The following IBTK variants were observed in gnomAD, a reference collection of about 807,000 sequenced individuals.
IBTK encodes the protein inhibitor of Bruton tyrosine kinase.
A neutral mutation model predicts 154.9 loss-of-function variants in IBTK; 83 were observed. The observed-to-expected ratio is 0.54, with a 90% CI of 0.45 to 0.64. IBTK has a LOEUF of 0.64. Among genes scored for constraint, IBTK ranks in the 30% least tolerant of loss-of-function variants. The pLI is 0.00. For missense variants in IBTK, 1,332 were observed against 1,584.6 expected, an observed-to-expected ratio of 0.84 and a Z score of 2.71; for synonymous variants, 515 against 536.1, an observed-to-expected ratio of 0.96 and a Z score of 0.54.
At chr6:82,178,048 C>G (rs1220491739) in intron 26 of IBTK, among the ~76,000 whole-genome samples, 1 of 152,116 alleles carries the variant, frequency 6.6e-6, no homozygotes, top group East Asian at 1.9e-4. Context: ...TTTAATATTT[C>G]CTTTTTAAAA....
chr6:82,199,058 A>G lies in IBTK; in HGVS notation c.3025+1083T>C, dbSNP rs575346517. Among the ~76,000 whole-genome samples the G allele has an allele frequency of 2.6e-5, 4 of 152,316 alleles. No individual in the cohort carries two copies. The South Asian group carries it at 8.3e-4, about 32-fold the overall frequency. ...TGTCAACAATTAGGAAAATGTGGAT[A>G]TGAAGTATAATACTAATTAACACTA... On this transcript the variant is annotated intron_variant, in intron 21 of 28. Transcript: ENST00000306270.
At chr6:82,207,031 G>A (rs197238) in intron 16 of IBTK, among the ~76,000 whole-genome samples, 1 of 151,898 alleles carries the variant, frequency 6.6e-6, no homozygotes, top group African/African-American at 2.4e-5. Context: ...AACAAGACAA[G>A]GACAACCACT....
At position 82,223,484 on chromosome 6, in the gene IBTK, A is replaced by G; in HGVS notation, c.1080T>C (p.Asp360=). 1 of 1,614,078 alleles carries G rather than the reference A, an allele frequency of 6.2e-7. No homozygotes were observed. Among genetic ancestry groups the G allele is most frequent in the Non-Finnish European group, 8.5e-7 (1 of 1,179,956 alleles). Residue 360 remains aspartate, a synonymous_variant, in exon 8 of 29, where the codon GAT becomes GAC. Coordinates refer to ENST00000306270, the MANE Select transcript of IBTK (RefSeq NM_015525.4). ...GATVCVTTRG[D]IYLLADYQCK... ...ACTGATAGTCTGCAAGTAAGTAAATATCTCCCCTTGTGGTAACACAGACTG... is the reference window on the plus strand; with the variant it reads ...ACTGATAGTCTGCAAGTAAGTAAATGTCTCCCCTTGTGGTAACACAGACTG...
intron 25 of IBTK, among the ~76,000 whole-genome samples, chr6:82,189,224 A>C (rs1384471368): frequency 6.6e-6 from 1 of 152,064 alleles, no homozygotes; most frequent in Non-Finnish European, 1.5e-5. Context: ...ATCAAAAAAG[A>C]CCTACATTAT....
chr6:82,195,251 T>A (rs1009072674), intron 22 of IBTK, among the ~76,000 whole-genome samples: 1 of 152,032 alleles, frequency 6.6e-6, no homozygotes, highest in African/African-American at 2.4e-5. Flanking sequence ...GAATATAAAT[T>A]GCCCCCAAAC....
At chr6:82,211,438 A>G (rs757307679) in intron 14 of IBTK, 34 bp from the exon 15 acceptor site, 12 of 1,603,766 alleles carry the variant, frequency 7.5e-6, no homozygotes, top group Non-Finnish European at 8.5e-7. Flanking sequence ...CAATAAGAAT[A>G]GTGAAACAAT....
Position 82,204,880 on chromosome 6 carries a change from C to G in IBTK, c.2588G>C (p.Cys863Ser). 1 of 1,604,466 alleles carries G rather than the reference C, an allele frequency of 6.2e-7. No homozygotes were observed. Among genetic ancestry groups the G allele is most frequent in the Middle Eastern group, 1.7e-4 (1 of 6,036 alleles). Residue 863 changes from cysteine to serine, a missense_variant, in exon 17 of 29, where the codon TGT becomes TCT. By Grantham distance (112) the Cys-to-Ser change is moderately radical (BLOSUM62 -1). Coordinates refer to ENST00000306270, the MANE Select transcript of IBTK (RefSeq NM_015525.4). ...ACGTTTTTCAGTTAATGCTACTTCA[C>G]AAATCTCTTTCAACCGGGTTATGAG... ...QLLITRLKEI[C>S]EVALTEKLTL... is the part of the protein sequence containing the mutation.
At position 82,216,129 on chromosome 6, in the gene IBTK, G is replaced by A. The variant is rs371786565; in HGVS notation, c.1548C>T (p.Ser516=). The change falls in exon 11 of 29, where the codon AGC becomes AGT. Residue 516 remains serine, a synonymous_variant. Coordinates refer to ENST00000306270, the MANE Select transcript of IBTK (RefSeq NM_015525.4). ...CAAAGTTGCATCCACTTGGATCTGT[G>A]CTGACACTAACAGCTCTATGTGCAA... ...LTFAHRAVSV[S]TDPSGCNFAI... is the part of the protein sequence containing the mutation. 9.9e-6 allele frequency: 16 copies of A among 1,613,518 alleles called. 1 individual carries two copies. Among genetic ancestry groups the A allele is most frequent in the African/African-American group, 4.0e-5 (3 of 74,900 alleles).
At chr6:82,229,010 T>C (rs1428731276) in intron 4 of IBTK, among the ~76,000 whole-genome samples, 1 of 152,160 alleles carries the variant, frequency 6.6e-6, no homozygotes, top group African/African-American at 2.4e-5. Flanking sequence ...ATAATCTCTG[T>C]CTCATGGTAG....
intron 22 of IBTK, among the ~76,000 whole-genome samples, chr6:82,195,909 C>T (rs919828211): frequency 5.3e-5 from 8 of 152,084 alleles, no homozygotes; most frequent in Non-Finnish European, 1.0e-4. Flanking sequence ...AAAGAGACTG[C>T]GAACTTTCAA....
intron 26 of IBTK, 179 bp from the exon 27 acceptor site, chr6:82,173,617 T>G: frequency 2.4e-6 from 1 of 410,016 alleles, no homozygotes; most frequent in Non-Finnish European, 4.3e-6. Flanking sequence ...TATAAAACCT[T>G]CTGTATAAAA....
chr6:82,187,367 A>T (rs1053968030), intron 25 of IBTK, among the ~76,000 whole-genome samples: 1 of 152,174 alleles, frequency 6.6e-6, no homozygotes, highest in African/African-American at 2.4e-5. Flanking sequence ...GTGGCACTCT[A>T]AGCTCATGTT....
chr6:82,203,883 C>T (rs1381699141), intron 17 of IBTK, among the ~76,000 whole-genome samples: 1 of 152,110 alleles, frequency 6.6e-6, no homozygotes, highest in Non-Finnish European at 1.5e-5. Flanking sequence ...AAGGAGTAGA[C>T]AGTCTACAGT....
At chr6:82,216,783 G>GAT (rs1769892121) in intron 10 of IBTK, among the ~76,000 whole-genome samples, 1 of 152,068 alleles carries the variant, frequency 6.6e-6, no homozygotes, top group South Asian at 2.1e-4. Flanking sequence ...ACAGACATGT[G>GAT]CCTGCTCTCC....
In IBTK at chr6:82,171,582, T is replaced by A; in HGVS notation, c.3931-26A>T. On this transcript the variant is annotated intron_variant, in intron 28 of 28. Transcript: ENST00000306270. ...CTGAAAGGAGGAAGGGAAAGAAGACTCTTTACTCTTTTAATTATAAACTAA... is the reference window on the plus strand; with the variant it reads ...CTGAAAGGAGGAAGGGAAAGAAGACACTTTACTCTTTTAATTATAAACTAA... 6 of 1,552,102 alleles carry A rather than the reference T, an allele frequency of 3.9e-6. No homozygotes were observed. The African/African-American group carries it at 8.2e-5, about 21-fold the overall frequency.
intron 12 of IBTK, 23 bp downstream of exon 12, chr6:82,214,204 C>A: frequency 6.3e-7 from 1 of 1,584,568 alleles, no homozygotes; most frequent in South Asian, 1.2e-5. Context: ...GGTACAGGAA[C>A]AGATATAAAA....
rs1407340602 is a variant in IBTK at position 82,204,842 on chromosome 6, C to G, written c.2611+15G>C. On this transcript the variant is annotated intron_variant, in intron 17 of 28. Transcript: ENST00000306270. ...ACCTGAAAACATATTAATATTCAAA[C>G]TCAAAATTACTCACGTTTTTCAGTT... 6.8e-7 allele frequency: 1 copy of G among 1,463,508 alleles called. No homozygotes were observed. Among genetic ancestry groups the G allele is most frequent in the African/African-American group, 1.4e-5 (1 of 70,996 alleles). The allele number at this position is 1,463,508 out of a possible 1,614,324, so 90.7% of individuals were successfully genotyped here.
rs780630837 is a variant in IBTK at position 82,173,456 on chromosome 6, A to C, written c.3726-18T>G. On this transcript the variant is annotated intron_variant, in intron 26 of 28. Transcript: ENST00000306270. ...TAGAGCATCTGCAAAACAAATGCCA[A>C]AATTAAAGATTAAAGCTTCTAGTAA... is the stretch of plus-strand genomic sequence containing the variant. The C allele has an allele frequency of 2.2e-5, 35 of 1,601,758 alleles. No individual in the cohort carries two copies. Among genetic ancestry groups the C allele is most frequent in the Non-Finnish European group, 2.8e-5 (33 of 1,169,298 alleles).
Position 82,214,423 on chromosome 6 carries a change from T to C in IBTK, c.2008A>G (p.Lys670Glu). ...YQGTLNSHLN[K>E]VNFHEDDNQK... ...TTATCATCTTCATGGAAATTCACTTTATTCAAATGAGAATTCAGAGTTCCC... is the reference window on the plus strand; with the variant it reads ...TTATCATCTTCATGGAAATTCACTTCATTCAAATGAGAATTCAGAGTTCCC... Residue 670 changes from lysine to glutamate, a missense_variant, in exon 12 of 29, where the codon AAA becomes GAA. Physicochemically the swap from Lys to Glu is moderately conservative, Grantham distance 56 (BLOSUM62 1). Around this residue, in one of 3 missense-constraint regions of IBTK, gnomAD observed 1,134 missense variants for 1,274.7 expected, o/e 0.89. Transcript: ENST00000306270. The C allele has an allele frequency of 6.2e-7, 1 of 1,613,992 alleles. No homozygotes were observed. Among genetic ancestry groups the C allele is most frequent in the Non-Finnish European group, 8.5e-7 (1 of 1,179,912 alleles).
Sources: gnomAD v4.1 joint callset for allele counts (sites outside exome capture counted in the v4.1 genomes callset) on GRCh38, gnomAD v4.1.1 for gene constraint, gnomAD v4.1.1 regional missense constraint, MANE v1.5 for transcripts, NCBI Gene and HGNC (gene_info 2026-07-23, HGNC 2026-07-21) for gene names.